Variants in CACHD1 observed in about 807,000 individuals in gnomAD.
CACHD1 encodes the protein cache domain containing 1.
CACHD1 carries 71 observed loss-of-function variants against 138.7 expected under a neutral mutation model. That is an observed-to-expected ratio of 0.51 (90% CI 0.42 to 0.62). CACHD1 has a LOEUF of 0.62. Among genes scored for constraint, CACHD1 ranks in the 20% least tolerant of loss-of-function variants. The probability of loss-of-function intolerance (pLI) is 0.00; values close to 1 mark genes in which losing one functional copy is unlikely to be tolerated. For synonymous variants in CACHD1, 578 were observed against 591.5 expected, an observed-to-expected ratio of 0.98 and a Z score of 0.33; for missense variants, 1,389 against 1,625.3, an observed-to-expected ratio of 0.85 and a Z score of 2.50.
intron 2 of CACHD1, among the ~76,000 whole-genome samples, chr1:64,577,549 C>T (rs778893365): frequency 1.1e-4 from 17 of 152,204 alleles, no homozygotes; most frequent in Admixed American, 3.3e-4. Context: ...GAATCCCAGC[C>T]CTACCACTTA....
At chr1:64,682,676 G>A (rs1046057358) in intron 26 of CACHD1, among the ~76,000 whole-genome samples, 2 of 152,086 alleles carry the variant, frequency 1.3e-5, no homozygotes, top group Non-Finnish European at 2.9e-5. Context: ...GCTCAGGAAG[G>A]GTCAAGGCCA....
intron 14 of CACHD1, 88 bp downstream of exon 14, chr1:64,663,925 C>A: frequency 6.5e-7 from 1 of 1,530,580 alleles, no homozygotes; most frequent in South Asian, 1.2e-5. Flanking sequence ...AAGTAGGAAA[C>A]CCAGCTCTGC....
intron 2 of CACHD1, among the ~76,000 whole-genome samples, chr1:64,566,838 AAAAT>A (rs1321309992): frequency 6.6e-6 from 1 of 152,260 alleles, no homozygotes; most frequent in South Asian, 2.1e-4. Context: ...AGGCAAGAAA[AAAAT>A]AAATATTATT....
At chr1:64,494,237 T>C (rs1279542155) in intron 1 of CACHD1, among the ~76,000 whole-genome samples, 1 of 152,234 alleles carries the variant, frequency 6.6e-6, no homozygotes, top group East Asian at 1.9e-4. Flanking sequence ...TCTTAGTTAA[T>C]GCTTTAGATA....
At chr1:64,515,252 CA>C (rs1171531116) in intron 1 of CACHD1, among the ~76,000 whole-genome samples, 2 of 152,252 alleles carry the variant, frequency 1.3e-5, no homozygotes, top group East Asian at 1.9e-4. Context: ...CAGATACTTA[CA>C]AAAAATAATT....
chr1:64,487,719 T>A (rs1646251480), intron 1 of CACHD1, among the ~76,000 whole-genome samples: 2 of 152,194 alleles, frequency 1.3e-5, no homozygotes, highest in South Asian at 4.1e-4. Flanking sequence ...TGCATGGTGG[T>A]GTTACGTCAA....
intron 19 of CACHD1, 91 bp from the exon 20 acceptor site, chr1:64,675,310 T>G: frequency 1.0e-6 from 1 of 958,130 alleles, no homozygotes; most frequent in Non-Finnish European, 1.5e-6. Context: ...TAAGCTATTT[T>G]TCGTAGGTAG....
Position 64,663,732 on chromosome 1 carries a change from C to G in CACHD1, c.1989C>G (p.Ser663=). ...TCATGCTGTCTGCTGGCAGCTTTTC[C>G]TCCCCCTATGAGCACCTCAGCCAGC... ...PTIMLSAGSF[S]SPYEHLSQPE... is the part of the protein sequence containing the mutation. Residue 663 remains serine (S), a synonymous_variant, in exon 14 of 27, where the codon TCC becomes TCG. Coordinates refer to ENST00000651257, the MANE Select transcript of CACHD1 (RefSeq NM_020925.4). 1 of 1,614,022 alleles carries G rather than the reference C, an allele frequency of 6.2e-7. No homozygotes were observed. Among genetic ancestry groups the G allele is most frequent in the Middle Eastern group, 1.6e-4 (1 of 6,062 alleles).
intron 4 of CACHD1, among the ~76,000 whole-genome samples, chr1:64,624,129 G>A (rs1175165452): frequency 6.6e-6 from 1 of 152,196 alleles, no homozygotes; most frequent in Non-Finnish European, 1.5e-5. Context: ...GGCCCACGGG[G>A]CCTCATTACC....
At chr1:64,480,435 C>T (rs530993048) in intron 1 of CACHD1, among the ~76,000 whole-genome samples, 1 of 152,176 alleles carries the variant, frequency 6.6e-6, no homozygotes, top group South Asian at 2.1e-4. Context: ...GTATACATTC[C>T]TCTTTTGAAA....
At chr1:64,585,702 C>G (rs545348857) in intron 3 of CACHD1, among the ~76,000 whole-genome samples, 10 of 152,298 alleles carry the variant, frequency 6.6e-5, no homozygotes, top group South Asian at 2.1e-4. Flanking sequence ...TTTAAAGATA[C>G]CTGACAACAG....
In CACHD1 at chr1:64,567,256, G is replaced by C. The variant is rs868103354; in HGVS notation, c.262-14900G>C. Among the ~76,000 whole-genome samples the C allele has an allele frequency of 4.6e-5, 7 of 152,004 alleles. No homozygotes were observed. In the South Asian group the frequency reaches 1.5e-3, roughly 32 times the overall value. ...ACGTTGTTAAATTGCAGGAGCATTT[G>C]TTCATGCATTTGATATTTCTTGCTA... On this transcript the variant is annotated intron_variant, in intron 2 of 26. Coordinates refer to ENST00000651257, the MANE Select transcript of CACHD1 (RefSeq NM_020925.4).
chr1:64,476,171 A>G lies in CACHD1; in HGVS notation c.198+5229A>G, dbSNP rs369189537. On this transcript the variant is annotated intron_variant, in intron 1 of 26. Transcript: ENST00000651257. ...AGGGTAGCCAAATCAGTAGTTCATTAGATGTTTCTGATTCCTTTGGTGGCA... is the reference window on the plus strand; with the variant it reads ...AGGGTAGCCAAATCAGTAGTTCATTGGATGTTTCTGATTCCTTTGGTGGCA... 4.1e-4 allele frequency among the ~76,000 whole-genome samples: 63 copies of G among 152,312 alleles called. 2 individuals carry two copies. The South Asian group carries it at 0.013, about 31-fold the overall frequency.
intron 7 of CACHD1, among the ~76,000 whole-genome samples, chr1:64,635,037 A>C (rs1234724610): frequency 6.7e-6 from 1 of 149,498 alleles, no homozygotes. Flanking sequence ...TAAAATTGTC[A>C]TATGTTGTCT....
intron 12 of CACHD1, among the ~76,000 whole-genome samples, chr1:64,655,203 G>T (rs1649223818): frequency 6.6e-6 from 1 of 152,154 alleles, no homozygotes; most frequent in African/African-American, 2.4e-5. Context: ...AGAGGTTGAA[G>T]CTGCAGTGAG....
At chr1:64,684,357 CTTCTTCTTTTTT>C (rs1244428820) in intron 26 of CACHD1, among the ~76,000 whole-genome samples, 6 of 89,734 alleles carry the variant, frequency 6.7e-5, no homozygotes, top group Non-Finnish European at 1.3e-4. Flanking sequence ...TCTTCTTCTT[CTTCTTCTTTTTT>C]TTTTTTTTTT....
intron 2 of CACHD1, among the ~76,000 whole-genome samples, chr1:64,574,073 G>A (rs1387223650): frequency 1.3e-5 from 2 of 152,188 alleles, no homozygotes; most frequent in Non-Finnish European, 2.9e-5. Context: ...TTGAAATTGG[G>A]CTGGAACCAG....
chr1:64,534,251 C>T (rs1266848992), intron 1 of CACHD1, among the ~76,000 whole-genome samples: 1 of 151,998 alleles, frequency 6.6e-6, no homozygotes, highest in Non-Finnish European at 1.5e-5. Flanking sequence ...ACCATGTTGG[C>T]CAGGCTGGTC....
At chr1:64,639,531 T>C (rs1557533130) in intron 7 of CACHD1, among the ~76,000 whole-genome samples, 1 of 152,230 alleles carries the variant, frequency 6.6e-6, no homozygotes, top group African/African-American at 2.4e-5. Flanking sequence ...GTATCAAAAT[T>C]GGTATTAAGT....
Sources: gnomAD v4.1 joint callset for allele counts (sites outside exome capture counted in the v4.1 genomes callset) on GRCh38, gnomAD v4.1.1 for gene constraint, MANE v1.5 for transcripts, NCBI Gene and HGNC (gene_info 2026-07-23, HGNC 2026-07-21) for gene names.